CNOT4: variants seen among roughly 807,000 people sequenced by gnomAD.
The protein encoded by CNOT4 is CCR4-associated factor 4.
Under a neutral mutation model 73.8 loss-of-function variants are expected in CNOT4, and 8 were observed. The ratio of observed to expected loss-of-function variants is 0.11; its 90% CI spans 0.06 to 0.20. The LOEUF (loss-of-function observed/expected upper bound fraction) is 0.20. CNOT4 is among the 10% of genes least tolerant of loss of function. The pLI is 1.00. For synonymous variants in CNOT4, 293 were observed against 321.1 expected, an observed-to-expected ratio of 0.91 and a Z score of 0.94; for missense variants, 564 against 883.4, an observed-to-expected ratio of 0.64 and a Z score of 4.58.
intron 1 of CNOT4, among the ~76,000 whole-genome samples, chr7:135,467,630 G>T (rs1282315238): frequency 1.3e-5 from 2 of 152,096 alleles, no homozygotes; most frequent in Admixed American, 6.5e-5. Flanking sequence ...AAAGGCTCTC[G>T]AGCCCAGGGG....
chr7:135,365,482 C>A (rs1196791762), intron 10 of CNOT4, among the ~76,000 whole-genome samples: 1 of 146,634 alleles, frequency 6.8e-6, no homozygotes, highest in African/African-American at 2.5e-5. Flanking sequence ...ATCTTCACAA[C>A]AGCCCTGAGA....
intron 10 of CNOT4, among the ~76,000 whole-genome samples, chr7:135,380,330 C>A (rs1795776624): frequency 1.3e-5 from 2 of 152,170 alleles, no homozygotes; most frequent in Admixed American, 1.3e-4. Flanking sequence ...CCCCTAAATT[C>A]TCTTTGGTAC....
intron 1 of CNOT4, among the ~76,000 whole-genome samples, chr7:135,483,787 G>A (rs989788773): frequency 2.6e-5 from 4 of 152,220 alleles, no homozygotes; most frequent in Non-Finnish European, 5.9e-5. Flanking sequence ...TTGCACTCCA[G>A]CCTGGATGAC....
At chr7:135,418,369 C>A (rs1331416442) in intron 3 of CNOT4, among the ~76,000 whole-genome samples, 1 of 152,188 alleles carries the variant, frequency 6.6e-6, no homozygotes, top group Non-Finnish European at 1.5e-5. Flanking sequence ...CGATGTCCTT[C>A]ACAGTGGGCC....
chr7:135,426,602 C>CAAAAAAA (rs35332719), intron 2 of CNOT4, among the ~76,000 whole-genome samples: 1 of 111,052 alleles, frequency 9.0e-6, no homozygotes, highest in African/African-American at 3.6e-5. Context: ...GACTCCGTCT[C>CAAAAAAA]AAAAAAAAAA....
At chr7:135,440,560 C>A (rs985108406) in intron 1 of CNOT4, among the ~76,000 whole-genome samples, 1 of 152,164 alleles carries the variant, frequency 6.6e-6, no homozygotes, top group Non-Finnish European at 1.5e-5. Flanking sequence ...TAACTAAGAA[C>A]CTATTCTACA....
chr7:135,363,233 A>G lies in CNOT4; in HGVS notation c.1841-47T>C, dbSNP rs760726678. 1.3e-6 allele frequency: 2 copies of G among 1,578,096 alleles called. No homozygotes were observed. The highest frequency in any genetic ancestry group is 4.5e-5 in the East Asian group (2 of 44,746). Reference sequence around the variant, plus strand: ...GAGGGAAAATGGTGAGTTTGTGTGGAAAGAATAAGGTCGTCAAACAAATTT... The same window carrying G: ...GAGGGAAAATGGTGAGTTTGTGTGGGAAGAATAAGGTCGTCAAACAAATTT... On this transcript the variant is annotated intron_variant, in intron 11 of 11. Coordinates refer to ENST00000541284, the MANE Select transcript of CNOT4 (RefSeq NM_001190850.2). This position sits in a 1 kb window ranked among gnomAD's most constrained non-coding sequence, Gnocchi z 4.3.
At chr7:135,378,904 G>A (rs1417242980) in intron 10 of CNOT4, among the ~76,000 whole-genome samples, 1 of 150,888 alleles carries the variant, frequency 6.6e-6, no homozygotes, top group Non-Finnish European at 1.5e-5. Flanking sequence ...AGGATCACTT[G>A]AGCCAGGGAG....
Position 135,362,729 on chromosome 7 carries a change from G to T in CNOT4, c.*156C>A. 1 of 792,366 alleles carries T rather than the reference G, an allele frequency of 1.3e-6. No homozygotes were observed. 49.1% of individuals were successfully genotyped at this position (792,366 alleles called of 1,614,324 possible). A position where few individuals can be genotyped will look rare whatever the true frequency, so the allele number is the denominator to read the frequency against. ...AATAAAGAGATGGTAATGACCCTGT[G>T]ATCGCATTGCATCTGGGGTTAGGGA... On this transcript the variant is annotated 3_prime_UTR_variant, in exon 12 of 12. Transcript: ENST00000541284.
intron 1 of CNOT4, among the ~76,000 whole-genome samples, chr7:135,472,181 A>T (rs886475804): frequency 1.4e-5 from 2 of 147,162 alleles, no homozygotes; most frequent in African/African-American, 2.5e-5. Context: ...TCAAAAATAC[A>T]TATATAAATA....
Position 135,363,872 on chromosome 7 carries a change from C to A in CNOT4, c.1822G>T (p.Asp608Tyr). 1 of 1,596,650 alleles carries A rather than the reference C, an allele frequency of 6.3e-7. No individual in the cohort carries two copies. The highest frequency in any genetic ancestry group is 8.5e-7 in the Non-Finnish European group (1 of 1,178,734). ...AAGTTACCTGTGATGATGGCTGGGT[C>A]TGTCCAGCTGCCAGGGCTGTCCCAA... ...LSWDSPGSWT[D>Y]PAIITGIPAS... Residue 608 changes from aspartate (D) to tyrosine (Y), a missense_variant, in exon 11 of 12, where the codon GAC becomes TAC. Coordinates refer to ENST00000541284, the MANE Select transcript of CNOT4 (RefSeq NM_001190850.2). This position sits in a 1 kb window ranked among gnomAD's most constrained non-coding sequence, Gnocchi z 4.3.
intron 1 of CNOT4, among the ~76,000 whole-genome samples, chr7:135,503,982 A>G (rs1804172573): frequency 6.6e-6 from 1 of 152,188 alleles, no homozygotes; most frequent in Admixed American, 6.5e-5. Context: ...TGCTACAACC[A>G]ATGTTCAATA....
chr7:135,445,179 A>G (rs1050087517), intron 1 of CNOT4, among the ~76,000 whole-genome samples: 13 of 152,210 alleles, frequency 8.5e-5, no homozygotes, highest in Non-Finnish European at 1.9e-4. Flanking sequence ...CCAGCTTCTT[A>G]TAAGACTCAC....
chr7:135,367,094 T>C (rs1247712606), intron 10 of CNOT4, among the ~76,000 whole-genome samples: 4 of 152,056 alleles, frequency 2.6e-5, no homozygotes, highest in East Asian at 1.9e-4. Context: ...CTCTACCCAC[T>C]AGATGCTAGG....
chr7:135,447,270 T>C (rs1428077725), intron 1 of CNOT4, among the ~76,000 whole-genome samples: 1 of 152,210 alleles, frequency 6.6e-6, no homozygotes, highest in Non-Finnish European at 1.5e-5. Context: ...ATGAACAGTG[T>C]GCTAAGTGAA....
intron 10 of CNOT4, among the ~76,000 whole-genome samples, chr7:135,373,821 A>G (rs1795359916): frequency 6.6e-6 from 1 of 152,018 alleles, no homozygotes; most frequent in Admixed American, 6.6e-5. Context: ...ACCTCGGATG[A>G]TCTGCCTGCC....
intron 1 of CNOT4, among the ~76,000 whole-genome samples, chr7:135,485,787 T>C (rs901806123): frequency 1.4e-4 from 22 of 152,164 alleles, no homozygotes; most frequent in Non-Finnish European, 2.9e-4. Context: ...TAGATCCAAA[T>C]GTTATCACAC....
chr7:135,463,575 C>CAACCAACCA (rs58220290), intron 1 of CNOT4, among the ~76,000 whole-genome samples: 1 of 147,586 alleles, frequency 6.8e-6, no homozygotes, highest in Non-Finnish European at 1.5e-5. Context: ...ACCAACCAAC[C>CAACCAACCA]ACCGTGGAAG....
intron 5 of CNOT4, 68 bp from the exon 6 acceptor site, chr7:135,413,681 A>C: frequency 2.9e-5 from 43 of 1,493,458 alleles, no homozygotes; most frequent in Non-Finnish European, 3.5e-5. Context: ...GAGAATCTCC[A>C]TGTTTAGTGT....
Sources: gnomAD v4.1 joint callset for allele counts (sites outside exome capture counted in the v4.1 genomes callset) on GRCh38, gnomAD v4.1.1 for gene constraint, Gnocchi (gnomAD v3.1) non-coding constraint, MANE v1.5 for transcripts, NCBI Gene and HGNC (gene_info 2026-07-23, HGNC 2026-07-21) for gene names.